PDE4D: variants seen among roughly 807,000 people sequenced by gnomAD.
PDE4D encodes phosphodiesterase 4D, also known as 3',5'-cyclic-AMP phosphodiesterase 4D.
PDE4D carries 24 observed loss-of-function variants against 87.4 expected under a neutral mutation model. The ratio of observed to expected loss-of-function variants is 0.27; its 90% confidence interval spans 0.20 to 0.39. The LOEUF is 0.39. PDE4D is among the 10% of genes least tolerant of loss of function. The pLI is 1.00. For missense variants in PDE4D, 714 were observed against 1,041.0 expected (o/e 0.69, Z 4.32); for synonymous variants, 384 against 383.2 (o/e 1.00, Z -0.02).
At chr5:60,449,071 GCA>G (rs35440197) in intron 1 of PDE4D, among the ~76,000 whole-genome samples, 2,544 of 94,700 alleles carry the variant, frequency 0.027, 49 homozygotes, top group African/African-American at 0.066. Context: ...AACTGCCCGC[GCA>G]CACACACACA....
At chr5:59,491,004 ATT>A (rs1188383673) in intron 1 of PDE4D, among the ~76,000 whole-genome samples, 3 of 152,224 alleles carry the variant, frequency 2.0e-5, no homozygotes, top group South Asian at 2.1e-4. Flanking sequence ...GGCCAAGATT[ATT>A]TCTCTCTGAA....
chr5:60,405,572 A>G (rs759984448), intron 1 of PDE4D, among the ~76,000 whole-genome samples: 11 of 152,218 alleles, frequency 7.2e-5, no homozygotes, highest in Non-Finnish European at 1.5e-4. Flanking sequence ...TCACTCCCCC[A>G]ACTAAGAAAA....
At chr5:60,270,144 A>T (rs1236970666) in intron 1 of PDE4D, among the ~76,000 whole-genome samples, 2 of 152,216 alleles carry the variant, frequency 1.3e-5, no homozygotes, top group Non-Finnish European at 2.9e-5. Flanking sequence ...ATGAACCAAG[A>T]CAGGGAAAGA....
At chr5:59,619,132 T>A in intron 1 of PDE4D, among the ~76,000 whole-genome samples, 1 of 152,148 alleles carries the variant, frequency 6.6e-6, no homozygotes, top group Non-Finnish European at 1.5e-5. Flanking sequence ...ACATGAGGGA[T>A]AAATAAAACA....
chr5:59,754,338 C>T (rs1192378255), intron 1 of PDE4D, among the ~76,000 whole-genome samples: 1 of 152,010 alleles, frequency 6.6e-6, no homozygotes, highest in African/African-American at 2.4e-5. Flanking sequence ...AAAAGATGTC[C>T]CTTTAAGACA....
At chr5:59,264,421 T>C (rs1018859507) in intron 1 of PDE4D, among the ~76,000 whole-genome samples, 6 of 152,032 alleles carry the variant, frequency 3.9e-5, no homozygotes, top group Non-Finnish European at 7.4e-5. Context: ...AAAATTTCAT[T>C]CCTATGTACG....
chr5:59,887,878 G>A (rs973564977), intron 1 of PDE4D, among the ~76,000 whole-genome samples: 2 of 152,092 alleles, frequency 1.3e-5, no homozygotes, highest in African/African-American at 4.8e-5. Flanking sequence ...CAAACTTTTG[G>A]TTCAAGGCTA....
Position 59,414,272 on chromosome 5 carries a change from C to T in PDE4D, c.456-198304G>A, listed in dbSNP as rs745567826. 6.6e-5 allele frequency among the ~76,000 whole-genome samples: 10 copies of T among 152,170 alleles called. No individual in the cohort carries two copies. The South Asian group carries it at 1.0e-3, about 16-fold the overall frequency. On this transcript the variant is annotated intron_variant, in intron 1 of 14. Transcript: ENST00000340635. ...ACCTCAGAGAGGGTAGGCAACTTGG[C>T]GGAAAACAGAAGAAACAGATCCACT... is the stretch of plus-strand genomic sequence containing the variant.
At chr5:59,038,430 T>G (rs1758943942) in intron 6 of PDE4D, among the ~76,000 whole-genome samples, 3 of 152,094 alleles carry the variant, frequency 2.0e-5, no homozygotes, top group Admixed American at 2.0e-4. Flanking sequence ...CTAGATGAAT[T>G]AGGGTGAAGG....
intron 1 of PDE4D, among the ~76,000 whole-genome samples, chr5:59,346,823 A>C (rs1779688322): frequency 6.6e-6 from 1 of 152,172 alleles, no homozygotes; most frequent in South Asian, 2.1e-4. Context: ...AAACTGAGGA[A>C]AGTTAGGAGG....
intron 2 of PDE4D, among the ~76,000 whole-genome samples, chr5:60,109,395 AC>A (rs1165309977): frequency 6.6e-6 from 1 of 151,504 alleles, no homozygotes; most frequent in Non-Finnish European, 1.5e-5. Flanking sequence ...AAATAGGAAC[AC>A]TTTTACACTG....
intron 1 of PDE4D, among the ~76,000 whole-genome samples, chr5:59,364,946 G>A (rs2153595246): frequency 6.6e-6 from 1 of 151,622 alleles, no homozygotes; most frequent in Non-Finnish European, 1.5e-5. Flanking sequence ...CATGTCCCAG[G>A]CTATGCCAGC....
chr5:60,445,121 G>A (rs1416018217), intron 1 of PDE4D, among the ~76,000 whole-genome samples: 1 of 152,076 alleles, frequency 6.6e-6, no homozygotes, highest in Non-Finnish European at 1.5e-5. Flanking sequence ...GTTGTGAATG[G>A]ATTAGAAGCA....
chr5:59,401,954 C>T (rs1406770247), intron 1 of PDE4D, among the ~76,000 whole-genome samples: 1 of 152,174 alleles, frequency 6.6e-6, no homozygotes, highest in Non-Finnish European at 1.5e-5. Flanking sequence ...AACTGAGGTG[C>T]CCTCACAACA....
chr5:59,302,432 A>C (rs1770450410), intron 1 of PDE4D, among the ~76,000 whole-genome samples: 1 of 152,000 alleles, frequency 6.6e-6, no homozygotes, highest in South Asian at 2.1e-4. Context: ...TAGTTATATA[A>C]GTAAGTTCTT....
At chr5:59,452,785 T>C (rs1799362834) in intron 1 of PDE4D, among the ~76,000 whole-genome samples, 1 of 152,144 alleles carries the variant, frequency 6.6e-6, no homozygotes, top group African/African-American at 2.4e-5. Context: ...ACAAAAACAT[T>C]CATCACATTT....
chr5:59,890,533 T>G (rs1290924700), intron 1 of PDE4D, among the ~76,000 whole-genome samples: 1 of 152,220 alleles, frequency 6.6e-6, no homozygotes, highest in East Asian at 1.9e-4. Context: ...TAAAAATGGA[T>G]TTAAACCATA....
At position 58,975,744 on chromosome 5, in the gene PDE4D, G is replaced by A; in HGVS notation, c.1926C>T (p.Phe642=). 5 of 1,613,350 alleles carry A rather than the reference G, an allele frequency of 3.1e-6. No individual in the cohort carries two copies. Among genetic ancestry groups the A allele is most frequent in the African/African-American group, 1.3e-5 (1 of 75,006 alleles). The change falls in exon 14 of 15, where the codon TTC becomes TTT. Residue 642 remains phenylalanine, a synonymous_variant. Transcript: ENST00000340635. The surrounding 1 kb of genome is among the most constrained non-coding windows in gnomAD (Gnocchi z 4.2). ...RQWTDRIMEE[F]FRQGDRERER... ...CCCTCTCTCGGTCTCCTTGGCGGAA[G>A]AACTCCTCCATTATCCGGTCCGTCC...
chr5:59,922,933 C>T (rs1035864588), intron 3 of PDE4D, among the ~76,000 whole-genome samples: 1 of 152,070 alleles, frequency 6.6e-6, no homozygotes, highest in African/African-American at 2.4e-5. Context: ...CCCTGGCTCT[C>T]GGACAGCAGT....
Sources: allele counts gnomAD v4.1 joint callset (sites outside exome capture counted in the v4.1 genomes callset), GRCh38; gene constraint gnomAD v4.1.1; non-coding constraint Gnocchi (gnomAD v3.1); transcripts MANE v1.5; gene names NCBI Gene and HGNC (gene_info 2026-07-23, HGNC 2026-07-21).